Variants in DACH1 observed in about 807,000 individuals in gnomAD.
The protein encoded by DACH1 is dachshund homolog 1.
Under a neutral mutation model 54.2 loss-of-function variants are expected in DACH1, and 12 were observed. That is an observed-to-expected ratio of 0.22 (90% CI 0.14 to 0.36). The LOEUF (loss-of-function observed/expected upper bound fraction) is 0.36, where lower values mean the gene tolerates loss of function less well. Among genes scored for constraint, DACH1 ranks in the 10% least tolerant of loss-of-function variants. DACH1 has a pLI of 1.00. For missense variants in DACH1, 805 were observed against 929.8 expected, an observed-to-expected ratio of 0.87 and a Z score of 1.75; for synonymous variants, 386 against 366.2, an observed-to-expected ratio of 1.05 and a Z score of -0.62.
At chr13:71,853,758 G>T (rs931515704) in intron 1 of DACH1, among the ~76,000 whole-genome samples, 1 of 152,276 alleles carries the variant, frequency 6.6e-6, no homozygotes, top group East Asian at 1.9e-4. Flanking sequence ...AGAAATTACT[G>T]CATGCAAATA....
intron 10 of DACH1, among the ~76,000 whole-genome samples, chr13:71,465,533 A>G (rs1876493129): frequency 6.6e-6 from 1 of 152,142 alleles, no homozygotes; most frequent in Non-Finnish European, 1.5e-5. Context: ...GTTAGTTGTT[A>G]TCTATATTAC....
At chr13:71,618,978 C>A (rs920375216) in intron 3 of DACH1, among the ~76,000 whole-genome samples, 2 of 151,460 alleles carry the variant, frequency 1.3e-5, no homozygotes, top group Non-Finnish European at 3.0e-5. Context: ...ACCTTATATG[C>A]ATTTTTTTTT....
intron 1 of DACH1, among the ~76,000 whole-genome samples, chr13:71,781,689 C>A (rs189579556): frequency 1.3e-5 from 2 of 152,108 alleles, no homozygotes; most frequent in African/African-American, 4.8e-5. Context: ...AGGTCCAGAT[C>A]TTTAGGATTC....
At chr13:71,839,690 A>G (rs902050286) in intron 1 of DACH1, among the ~76,000 whole-genome samples, 2 of 152,166 alleles carry the variant, frequency 1.3e-5, no homozygotes, top group Non-Finnish European at 2.9e-5. Flanking sequence ...TTTTCCCTTG[A>G]GTTCCAAATA....
At chr13:71,526,894 C>T (rs1435864010) in intron 6 of DACH1, among the ~76,000 whole-genome samples, 1 of 151,714 alleles carries the variant, frequency 6.6e-6, no homozygotes, top group Non-Finnish European at 1.5e-5. Flanking sequence ...TGAGCTGTCT[C>T]CTTCAGTGTC....
intron 1 of DACH1, among the ~76,000 whole-genome samples, chr13:71,833,022 G>GACGCT (rs1454932130): frequency 6.6e-6 from 1 of 151,852 alleles, no homozygotes; most frequent in East Asian, 1.9e-4. Flanking sequence ...GCTTCAGAAA[G>GACGCT]ACGCTAACAG....
At chr13:71,747,659 T>C (rs935696720) in intron 1 of DACH1, among the ~76,000 whole-genome samples, 1 of 152,166 alleles carries the variant, frequency 6.6e-6, no homozygotes, top group African/African-American at 2.4e-5. Flanking sequence ...CATACAAGGA[T>C]GCTCTAGGAG....
At chr13:71,594,666 T>C (rs1034483456) in intron 3 of DACH1, among the ~76,000 whole-genome samples, 2 of 152,078 alleles carry the variant, frequency 1.3e-5, no homozygotes, top group Non-Finnish European at 2.9e-5. Flanking sequence ...AGTGCAAAGA[T>C]TTTTGAGGAC....
chr13:71,588,560 T>A (rs867164878), intron 3 of DACH1, among the ~76,000 whole-genome samples: 24 of 152,186 alleles, frequency 1.6e-4, no homozygotes, highest in Admixed American at 2.6e-4. Flanking sequence ...CATAAGAATA[T>A]CATATTAGAC....
chr13:71,648,327 T>C (rs927194291), intron 2 of DACH1, among the ~76,000 whole-genome samples: 1 of 152,152 alleles, frequency 6.6e-6, no homozygotes, highest in Admixed American at 6.6e-5. Flanking sequence ...ATTAACCTCA[T>C]GTTCTTCATT....
intron 3 of DACH1, among the ~76,000 whole-genome samples, chr13:71,622,021 G>A (rs779738019): frequency 2.8e-4 from 42 of 151,884 alleles, no homozygotes; most frequent in Admixed American, 3.9e-4. Context: ...CATTTAGTGG[G>A]GATGGGGCAT....
At chr13:71,678,225 G>A (rs1181772315) in intron 2 of DACH1, among the ~76,000 whole-genome samples, 1 of 152,010 alleles carries the variant, frequency 6.6e-6, no homozygotes, top group Non-Finnish European at 1.5e-5. Context: ...TAAAGCATTC[G>A]GTAGACTGTT....
rs529198059 is a variant in DACH1, at chr13:71,584,079, T to C, written c.1127-11067A>G. ...ATTACATCAGAGAATATTAAGATCA[T>C]CATATACAGATGCTCTCATTTAGAT... On this transcript the variant is annotated intron_variant, in intron 3 of 10. Coordinates refer to ENST00000613252, the MANE Select transcript of DACH1 (RefSeq NM_080759.6). Among the ~76,000 whole-genome samples the C allele has an allele frequency of 9.8e-5, 15 of 152,322 alleles. No individual in the cohort carries two copies. In the East Asian group the frequency reaches 2.5e-3, roughly 25 times the overall value.
At chr13:71,534,026 G>A (rs1035462524) in intron 6 of DACH1, among the ~76,000 whole-genome samples, 11 of 152,000 alleles carry the variant, frequency 7.2e-5, no homozygotes, top group African/African-American at 1.7e-4. Context: ...AGCACTCCTC[G>A]TGATAACTGC....
chr13:71,735,378 GTGTATATGGGATATA>G (rs1884018349), intron 1 of DACH1, among the ~76,000 whole-genome samples: 1 of 21,866 alleles, frequency 4.6e-5, no homozygotes. Flanking sequence ...CGGGATATAC[GTGTATATGGGATATA>G]CACGTATACG....
chr13:71,792,369 CA>C (rs1270099627), intron 1 of DACH1, among the ~76,000 whole-genome samples: 11 of 146,592 alleles, frequency 7.5e-5, no homozygotes, highest in African/African-American at 1.3e-4. Flanking sequence ...CACACACACA[CA>C]CCCCTGGAAT....
At chr13:71,765,652 T>A (rs1885587544) in intron 1 of DACH1, among the ~76,000 whole-genome samples, 1 of 152,188 alleles carries the variant, frequency 6.6e-6, no homozygotes, top group African/African-American at 2.4e-5. Flanking sequence ...GTAATAATGA[T>A]GGTTATCATA....
At chr13:71,639,870 A>T (rs1224466580) in intron 2 of DACH1, among the ~76,000 whole-genome samples, 5 of 152,054 alleles carry the variant, frequency 3.3e-5, no homozygotes, top group African/African-American at 1.2e-4. Flanking sequence ...TGAACTTGGC[A>T]CTATGAGGTC....
At chr13:71,729,063 C>A (rs1288302206) in intron 1 of DACH1, among the ~76,000 whole-genome samples, 7 of 151,884 alleles carry the variant, frequency 4.6e-5, no homozygotes, top group African/African-American at 1.4e-4. Flanking sequence ...ATGAAGAAAT[C>A]CCAAGTAAAA....
Sources: gnomAD v4.1 joint callset for allele counts (sites outside exome capture counted in the v4.1 genomes callset) on GRCh38, gnomAD v4.1.1 for gene constraint, MANE v1.5 for transcripts, NCBI Gene and HGNC (gene_info 2026-07-23, HGNC 2026-07-21) for gene names.